DLG2: variants seen among roughly 807,000 people sequenced by gnomAD.
DLG2 encodes the protein discs large MAGUK scaffold protein 2.
DLG2 carries 45 observed loss-of-function variants against 132.5 expected under a neutral mutation model. That is an observed-to-expected ratio of 0.34 (90% CI 0.27 to 0.44). The LOEUF (loss-of-function observed/expected upper bound fraction) is 0.44. Ranked by LOEUF, DLG2 falls within the 20% of genes least tolerant of loss-of-function variation. DLG2 has a pLI of 1.00. For missense variants in DLG2, 1,045 were observed against 1,196.9 expected, an observed-to-expected ratio of 0.87 and a Z score of 1.87; for synonymous variants, 424 against 419.6, an observed-to-expected ratio of 1.01 and a Z score of -0.13.
intron 6 of DLG2, among the ~76,000 whole-genome samples, chr11:84,872,643 A>G (rs2085656786): frequency 6.6e-6 from 1 of 152,200 alleles, no homozygotes; most frequent in South Asian, 2.1e-4. Flanking sequence ...GTGCTTAGTT[A>G]CCTCTAATCT....
chr11:84,225,228 T>C (rs1402919536), intron 8 of DLG2, among the ~76,000 whole-genome samples: 7 of 152,234 alleles, frequency 4.6e-5, no homozygotes, highest in Non-Finnish European at 1.0e-4. Flanking sequence ...GGATTATTAA[T>C]AACATATTTG....
chr11:85,121,976 A>G (rs2074381917), intron 5 of DLG2, among the ~76,000 whole-genome samples: 1 of 152,082 alleles, frequency 6.6e-6, no homozygotes, highest in Non-Finnish European at 1.5e-5. Context: ...GTATGTATGT[A>G]TGTGTGTGTG....
chr11:83,589,994 G>T (rs2097159223), intron 19 of DLG2, among the ~76,000 whole-genome samples: 2 of 138,852 alleles, frequency 1.4e-5, no homozygotes, highest in Non-Finnish European at 3.1e-5. Context: ...CATAAAGCAA[G>T]TCCTGAGTGA....
chr11:84,458,670 G>A (rs2099072030), intron 7 of DLG2, among the ~76,000 whole-genome samples: 1 of 150,340 alleles, frequency 6.7e-6, no homozygotes, highest in African/African-American at 2.4e-5. Context: ...TTTAAACATA[G>A]TATTTTGAAG....
chr11:85,222,874 T>C (rs2074740944), intron 4 of DLG2, among the ~76,000 whole-genome samples: 1 of 152,326 alleles, frequency 6.6e-6, no homozygotes, highest in Admixed American at 6.5e-5. Context: ...TCAAGTTAGC[T>C]TGGCAGTGAC....
chr11:84,543,368 G>C (rs778299957), intron 6 of DLG2, among the ~76,000 whole-genome samples: 7 of 152,096 alleles, frequency 4.6e-5, no homozygotes, highest in Non-Finnish European at 1.5e-5. Flanking sequence ...AGATTAGGAA[G>C]TTCTCTCCCT....
At chr11:85,626,292 C>T (rs1376478289) in intron 2 of DLG2, among the ~76,000 whole-genome samples, 2 of 152,174 alleles carry the variant, frequency 1.3e-5, no homozygotes, top group African/African-American at 4.8e-5. Flanking sequence ...AAGTAACCTT[C>T]AACAAGCTAA....
chr11:84,053,239 A>G (rs982395552), intron 11 of DLG2, among the ~76,000 whole-genome samples: 2 of 151,946 alleles, frequency 1.3e-5, no homozygotes, highest in Non-Finnish European at 2.9e-5. Flanking sequence ...ACATGGAAGG[A>G]AACAACACAC....
At chr11:85,362,505 T>G (rs1237129575) in intron 3 of DLG2, among the ~76,000 whole-genome samples, 3 of 152,148 alleles carry the variant, frequency 2.0e-5, no homozygotes, top group East Asian at 1.9e-4. Flanking sequence ...AATCTCAGAG[T>G]TTTTTTGGTG....
chr11:85,068,253 C>G (rs2065239034), intron 6 of DLG2, among the ~76,000 whole-genome samples: 1 of 152,040 alleles, frequency 6.6e-6, no homozygotes, highest in African/African-American at 2.4e-5. Flanking sequence ...GACAGGGATG[C>G]CCTCTCTCAC....
At chr11:83,702,233 G>T (rs1467118805) in intron 18 of DLG2, among the ~76,000 whole-genome samples, 1 of 152,022 alleles carries the variant, frequency 6.6e-6, no homozygotes, top group East Asian at 1.9e-4. Context: ...TGTCAGTACT[G>T]GTTAAAAAAG....
At chr11:84,538,637 C>T (rs2099361128) in intron 6 of DLG2, among the ~76,000 whole-genome samples, 1 of 151,878 alleles carries the variant, frequency 6.6e-6, no homozygotes, top group South Asian at 2.1e-4. Context: ...ATAAATCATG[C>T]ACACATGAAA....
At chr11:84,954,947 T>C (rs191775539) in intron 6 of DLG2, among the ~76,000 whole-genome samples, 294 of 152,322 alleles carry the variant, frequency 1.9e-3, no homozygotes, top group African/African-American at 6.8e-3. Context: ...AAAGGCCAGT[T>C]AGTAAATATT....
intron 6 of DLG2, among the ~76,000 whole-genome samples, chr11:85,062,518 G>C (rs1256670682): frequency 6.6e-6 from 1 of 150,524 alleles, no homozygotes; most frequent in Non-Finnish European, 1.5e-5. Context: ...ATCTTTATAA[G>C]ATAGGTAGTA....
At chr11:85,256,175 C>T (rs1386527896) in intron 4 of DLG2, among the ~76,000 whole-genome samples, 1 of 152,018 alleles carries the variant, frequency 6.6e-6, no homozygotes, top group Admixed American at 6.6e-5. Context: ...AACCCCAAAC[C>T]CCAGGTTCCA....
intron 7 of DLG2, 88 bp from the exon 8 acceptor site, chr11:84,251,379 A>T: frequency 1.9e-6 from 2 of 1,038,632 alleles, no homozygotes; most frequent in Non-Finnish European, 1.4e-6. Context: ...CAAAGAGCTC[A>T]ACAGGCATTT....
chr11:83,838,530 C>G (rs553996065), intron 16 of DLG2, among the ~76,000 whole-genome samples: 16 of 152,266 alleles, frequency 1.1e-4, no homozygotes, highest in African/African-American at 2.9e-4. Context: ...CCAGAGATTG[C>G]AAACCAGCAA....
chr11:84,970,022 TG>T (rs76212224), intron 6 of DLG2, among the ~76,000 whole-genome samples: 37 of 151,490 alleles, frequency 2.4e-4, no homozygotes, highest in African/African-American at 9.0e-4. Flanking sequence ...TTTTGTGGGG[TG>T]GGGGGCTAGG....
intron 7 of DLG2, among the ~76,000 whole-genome samples, chr11:84,281,389 T>C (rs1261863597): frequency 6.6e-6 from 1 of 152,112 alleles, no homozygotes; most frequent in Non-Finnish European, 1.5e-5. Context: ...AAATCATACA[T>C]CTCATAAAGG....
Sources: gnomAD v4.1 joint callset for allele counts (sites outside exome capture counted in the v4.1 genomes callset) on GRCh38, gnomAD v4.1.1 for gene constraint, MANE v1.5 for transcripts, NCBI Gene and HGNC (gene_info 2026-07-23, HGNC 2026-07-21) for gene names.